The following CRISPLD2 variants were observed in gnomAD, a reference collection of about 807,000 sequenced individuals.
CRISPLD2 encodes cysteine-rich secretory protein LCCL domain-containing 2.
A neutral mutation model predicts 71.1 loss-of-function variants in CRISPLD2; 47 were observed. That is an observed-to-expected ratio of 0.66 (90% CI 0.52 to 0.84). The LOEUF is 0.84. Among genes scored for constraint, CRISPLD2 ranks in the 40% least tolerant of loss-of-function variants. The pLI is 0.00. For missense variants in CRISPLD2, 830 were observed against 651.1 expected, an observed-to-expected ratio of 1.27 and a Z score of -2.99; for synonymous variants, 317 against 250.1, an observed-to-expected ratio of 1.27 and a Z score of -2.52.
chr16:84,894,814 C>T (rs1445072166), intron 14 of CRISPLD2, among the ~76,000 whole-genome samples: 1 of 152,050 alleles, frequency 6.6e-6, no homozygotes, highest in African/African-American at 2.4e-5. Flanking sequence ...TTTGGACGAG[C>T]CCATTTTGGG....
chr16:84,876,922 T>C (rs370607608), intron 11 of CRISPLD2, among the ~76,000 whole-genome samples: 2 of 152,126 alleles, frequency 1.3e-5, no homozygotes, highest in East Asian at 3.8e-4. Flanking sequence ...AAAATGACCT[T>C]GAAGATAAAA....
intron 13 of CRISPLD2, among the ~76,000 whole-genome samples, chr16:84,886,494 G>A (rs1341434910): frequency 6.6e-6 from 1 of 152,048 alleles, no homozygotes; most frequent in Non-Finnish European, 1.5e-5. Flanking sequence ...GAGCTTGGGT[G>A]TAGCTCCCCA....
chr16:84,896,860 C>A (rs572942470), intron 14 of CRISPLD2, among the ~76,000 whole-genome samples: 14 of 152,352 alleles, frequency 9.2e-5, no homozygotes, highest in Non-Finnish European at 1.9e-4. Context: ...ACTAAGCACT[C>A]AGGGGTTCCT....
chr16:84,873,526 A>AAAAAAAC (rs2071492038), intron 10 of CRISPLD2: 2 of 185,852 alleles, frequency 1.1e-5, no homozygotes, highest in Admixed American at 6.1e-5. Flanking sequence ...AACAAAAAAA[A>AAAAAAAC]AACCCACAGC....
At chr16:84,906,434 C>G (rs569035841) in intron 14 of CRISPLD2, among the ~76,000 whole-genome samples, 154 bp from the exon 15 acceptor site, 1 of 152,350 alleles carries the variant, frequency 6.6e-6, no homozygotes, top group East Asian at 1.9e-4. Context: ...AAGGCAGGCT[C>G]TGTGTCTGGC....
chr16:84,888,798 C>G (rs1001931250), intron 13 of CRISPLD2, among the ~76,000 whole-genome samples: 2 of 152,262 alleles, frequency 1.3e-5, no homozygotes, highest in Admixed American at 1.3e-4. Context: ...GTTCTGTCTT[C>G]CCTGAGCAGT....
chr16:84,872,339 C>G (rs983710378), intron 8 of CRISPLD2, 103 bp from the exon 9 acceptor site: 13 of 964,978 alleles, frequency 1.3e-5, no homozygotes, highest in South Asian at 1.1e-4. Context: ...TGAAGCTTTT[C>G]TATATTTAGT....
intron 1 of CRISPLD2, among the ~76,000 whole-genome samples, chr16:84,833,617 G>A (rs1258336214): frequency 6.6e-6 from 1 of 152,162 alleles, no homozygotes; most frequent in Non-Finnish European, 1.5e-5. Context: ...GCTCTTCCAG[G>A]ACGCTAGGAG....
intron 6 of CRISPLD2, chr16:84,862,885 T>A (rs1917425383): frequency 6.6e-6 from 1 of 152,324 alleles, no homozygotes; most frequent in Non-Finnish European, 1.5e-5. Context: ...AGCCAGCTGT[T>A]CATGGCTGAC....
At position 84,867,865 on chromosome 16, in the gene CRISPLD2, T is replaced by C. The variant is rs190065623; in HGVS notation, c.853+825T>C. ...GGCACCTCAGCTCCCCAAGCTTTTG[T>C]TCTGTCTGCCTTCACCGCCCCAGGG... On this transcript the variant is annotated intron_variant, in intron 7 of 14. Transcript: ENST00000262424. 5.3e-3 allele frequency among the ~76,000 whole-genome samples: 806 copies of C among 152,320 alleles called. 5 individuals carry two copies. Among genetic ancestry groups the C allele is most frequent in the African/African-American group, 0.018 (762 of 41,574 alleles).
intron 6 of CRISPLD2, among the ~76,000 whole-genome samples, chr16:84,858,142 C>T (rs1342203988): frequency 6.6e-6 from 1 of 152,186 alleles, no homozygotes; most frequent in African/African-American, 2.4e-5. Context: ...GGGAGCCTGC[C>T]AGAGGCTCCA....
intron 1 of CRISPLD2, among the ~76,000 whole-genome samples, chr16:84,822,666 C>T (rs1224857882): frequency 6.6e-6 from 1 of 152,120 alleles, no homozygotes; most frequent in Non-Finnish European, 1.5e-5. Flanking sequence ...TCAATCTGGG[C>T]ATATTTCACT....
Position 84,906,674 on chromosome 16 carries a change from C to T in CRISPLD2, c.*32C>T, listed in dbSNP as rs2071805429. Reference sequence around the variant, plus strand: ...AGCACCAGGGGAGAAGGGGCGTCTTCAGGAGGGCTTCGGGGTTTTGCTTTT... The same window carrying T: ...AGCACCAGGGGAGAAGGGGCGTCTTTAGGAGGGCTTCGGGGTTTTGCTTTT... On this transcript the variant is annotated 3_prime_UTR_variant, in exon 15 of 15. Coordinates refer to ENST00000262424, the MANE Select transcript of CRISPLD2 (RefSeq NM_031476.4). The T allele has an allele frequency of 3.1e-6, 5 of 1,612,850 alleles. No homozygotes were observed. The highest frequency in any genetic ancestry group is 2.5e-6 in the Non-Finnish European group (3 of 1,178,794).
At chr16:84,904,876 T>C (rs1279005039) in intron 14 of CRISPLD2, among the ~76,000 whole-genome samples, 1 of 152,186 alleles carries the variant, frequency 6.6e-6, no homozygotes, top group African/African-American at 2.4e-5. Context: ...CAAGTATAAA[T>C]CCTTCATGAC....
At chr16:84,855,041 G>A (rs1917199725) in intron 6 of CRISPLD2, among the ~76,000 whole-genome samples, 2 of 152,232 alleles carry the variant, frequency 1.3e-5, no homozygotes, top group Admixed American at 6.5e-5. Flanking sequence ...GAGCCCCACT[G>A]CCCCGAGACA....
At chr16:84,884,719 C>G (rs145070686) in intron 13 of CRISPLD2, among the ~76,000 whole-genome samples, 2 of 152,182 alleles carry the variant, frequency 1.3e-5, no homozygotes, top group Non-Finnish European at 2.9e-5. Flanking sequence ...GAGAAAGATC[C>G]GGCCATGGGT....
Position 84,866,897 on chromosome 16 carries a change from A to G in CRISPLD2, c.710A>G (p.Glu237Gly). The change falls in exon 7 of 15, where the codon GAA becomes GGA. Residue 237 changes from glutamate (E) to glycine (G), a missense_variant and splice_region_variant. By Grantham distance (98) the Glu-to-Gly change is moderately conservative (BLOSUM62 -2). Transcript: ENST00000262424. ...GSCRNNLCYR[E>G]ETYTPKPETD... ...TTTTTCCTCCCTCTCCAATGTTAAG[A>G]AGAAACCTACACTCCAAAACCTGAA... is the stretch of plus-strand genomic sequence containing the variant. 2 of 1,613,496 alleles carry G rather than the reference A, an allele frequency of 1.2e-6. No individual in the cohort carries two copies. The highest frequency in any genetic ancestry group is 1.7e-6 in the Non-Finnish European group (2 of 1,179,582).
At chr16:84,879,581 C>G (rs1211865354) in intron 12 of CRISPLD2, among the ~76,000 whole-genome samples, 2 of 151,970 alleles carry the variant, frequency 1.3e-5, no homozygotes, top group African/African-American at 4.8e-5. Context: ...AGGCTGGTCT[C>G]GAACTCCCGA....
rs78054218 is a variant in CRISPLD2, at chr16:84,898,689, A to G, written c.1440-7899A>G. Reference sequence around the variant, plus strand: ...CCAGACTGTAAACTTCCTGAAGGCAAGAGCCTCACTGGTCTTGTTAACCCC... The same window carrying G: ...CCAGACTGTAAACTTCCTGAAGGCAGGAGCCTCACTGGTCTTGTTAACCCC... On this transcript the variant is annotated intron_variant, in intron 14 of 14. Coordinates refer to ENST00000262424, the MANE Select transcript of CRISPLD2 (RefSeq NM_031476.4). 9.8e-3 allele frequency among the ~76,000 whole-genome samples: 1,494 copies of G among 152,314 alleles called. 107 individuals carry two copies. The East Asian group carries it at 0.17, about 17-fold the overall frequency.
Sources: allele counts gnomAD v4.1 joint callset (sites outside exome capture counted in the v4.1 genomes callset), GRCh38; gene constraint gnomAD v4.1.1; transcripts MANE v1.5; gene names NCBI Gene and HGNC (gene_info 2026-07-23, HGNC 2026-07-21).